The following CUL3 variants were observed in gnomAD, a reference collection of about 807,000 sequenced individuals.
The protein encoded by CUL3 is cullin 3.
CUL3 carries 19 observed loss-of-function variants against 89.1 expected under a neutral mutation model. The observed-to-expected ratio is 0.21, with a 90% CI of 0.15 to 0.31. The LOEUF is 0.31. Ranked by LOEUF, CUL3 falls within the 10% of genes least tolerant of loss-of-function variation. The pLI is 1.00. For synonymous variants in CUL3, 351 were observed against 308.4 expected (o/e 1.14, Z -1.45); for missense variants, 469 against 942.3 (o/e 0.50, Z 6.58).
Position 224,474,188 on chromosome 2 carries a change from C to T in CUL3, c.*57G>A. 4.6e-6 allele frequency: 7 copies of T among 1,535,870 alleles called. No homozygotes were observed. The South Asian group carries it at 8.6e-5, about 19-fold the overall frequency. ...CTTAATATTTAATGATTTAAAAGAA[C>T]TTCCCAGTCCATGCGAAGAGTACAG... On this transcript the variant is annotated 3_prime_UTR_variant, in exon 16 of 16. Transcript: ENST00000264414.
Position 224,546,674 on chromosome 2 carries a change from G to GGGGC in CUL3, c.264+10984_264+10985insGCCC, listed in dbSNP as rs1553533930. Among the ~76,000 whole-genome samples, 7 of 124,244 alleles carry GGGGC rather than the reference G, an allele frequency of 5.6e-5. No individual in the cohort carries two copies. In the Admixed American group the frequency reaches 5.7e-4, roughly 10 times the overall value. The allele number at this position is 124,244 out of a possible 152,430, so 81.5% of individuals were successfully genotyped here. A position where few individuals can be genotyped will look rare whatever the true frequency, so the allele number is the denominator to read the frequency against. The stretch of plus-strand genomic sequence containing the variant: ...AATACAACAGAAATAGGATGGGGGG[G>GGGGC]GGTACTTGCCCTCAAAGTACAGTCT... On this transcript the variant is annotated intron_variant, in intron 2 of 15. Coordinates refer to ENST00000264414, the MANE Select transcript of CUL3 (RefSeq NM_003590.5).
At chr2:224,549,997 T>C (rs1339705266) in intron 2 of CUL3, among the ~76,000 whole-genome samples, 1 of 152,140 alleles carries the variant, frequency 6.6e-6, no homozygotes, top group African/African-American at 2.4e-5. Flanking sequence ...ACTGGCAACT[T>C]TTCAGTCTCC....
chr2:224,548,427 C>T (rs1347665859), intron 2 of CUL3, among the ~76,000 whole-genome samples: 1 of 152,144 alleles, frequency 6.6e-6, no homozygotes, highest in Admixed American at 6.5e-5. Context: ...TTGAAAACCA[C>T]TAGAATAAAT....
intron 2 of CUL3, among the ~76,000 whole-genome samples, chr2:224,542,203 T>C (rs182957187): frequency 9.8e-5 from 15 of 152,344 alleles, no homozygotes; most frequent in African/African-American, 3.6e-4. Flanking sequence ...ATCAACCTTA[T>C]GAACCACTCT....
chr2:224,566,492 T>C (rs1456711136), intron 1 of CUL3, among the ~76,000 whole-genome samples: 1 of 152,216 alleles, frequency 6.6e-6, no homozygotes, highest in African/African-American at 2.4e-5. Flanking sequence ...ATATCCTTTG[T>C]GGCACTTTTT....
At chr2:224,511,876 A>G (rs1156585531) in intron 5 of CUL3, among the ~76,000 whole-genome samples, 1 of 152,198 alleles carries the variant, frequency 6.6e-6, no homozygotes, top group Non-Finnish European at 1.5e-5. Flanking sequence ...GTGAGGGTCA[A>G]AAGCTTAGAA....
chr2:224,513,902 G>A (rs1305493364), intron 4 of CUL3, among the ~76,000 whole-genome samples: 2 of 152,194 alleles, frequency 1.3e-5, no homozygotes, highest in Non-Finnish European at 2.9e-5. Context: ...AACACAGAGA[G>A]GCTGTTTATC....
intron 2 of CUL3, among the ~76,000 whole-genome samples, chr2:224,542,173 T>C (rs891792884): frequency 4.6e-5 from 7 of 152,212 alleles, no homozygotes; most frequent in Non-Finnish European, 1.0e-4. Flanking sequence ...AATGAAAGAA[T>C]TGTTAAACAA....
chr2:224,477,130 T>C (rs1192435877), intron 15 of CUL3, among the ~76,000 whole-genome samples: 1 of 152,226 alleles, frequency 6.6e-6, no homozygotes, highest in Non-Finnish European at 1.5e-5. Context: ...GACACTGTCA[T>C]TTTGTTTTCT....
At chr2:224,534,161 T>C (rs1693794283) in intron 3 of CUL3, among the ~76,000 whole-genome samples, 2 of 152,254 alleles carry the variant, frequency 1.3e-5, no homozygotes, top group Admixed American at 1.3e-4. Flanking sequence ...TTAAACTTAA[T>C]GAATCTAGCG....
At chr2:224,583,059 T>C (rs1030994774) in intron 1 of CUL3, among the ~76,000 whole-genome samples, 1 of 152,170 alleles carries the variant, frequency 6.6e-6, no homozygotes, top group Admixed American at 6.5e-5. Context: ...TTGAGTAGTG[T>C]AAGGCTGCAC....
chr2:224,535,428 C>T (rs774870936), intron 3 of CUL3, 100 bp downstream of exon 3: 89 of 741,610 alleles, frequency 1.2e-4, no homozygotes, highest in Non-Finnish European at 1.8e-4. Context: ...CCTTGGCCTC[C>T]CAAAGTGCTG....
At chr2:224,494,021 A>G (rs762049872) in intron 13 of CUL3, among the ~76,000 whole-genome samples, 116 of 152,340 alleles carry the variant, frequency 7.6e-4, no homozygotes, top group Non-Finnish European at 1.4e-3. Flanking sequence ...ATGGAAATCC[A>G]TAAGAAAAAC....
At chr2:224,496,456 CA>C (rs1381476322) in intron 12 of CUL3, among the ~76,000 whole-genome samples, 9 of 152,182 alleles carry the variant, frequency 5.9e-5, no homozygotes, top group African/African-American at 2.2e-4. Flanking sequence ...CACACACACA[CA>C]AACAGTATTT....
At chr2:224,486,795 C>T (rs1691742057) in intron 13 of CUL3, among the ~76,000 whole-genome samples, 1 of 152,074 alleles carries the variant, frequency 6.6e-6, no homozygotes, top group Non-Finnish European at 1.5e-5. Flanking sequence ...TCCAGAAGAG[C>T]AACCCCAAGA....
In CUL3 at chr2:224,584,930, G is replaced by A. The variant is rs768338599; in HGVS notation, c.66+14C>T. The A allele has an allele frequency of 1.8e-5, 27 of 1,469,368 alleles. No individual in the cohort carries two copies. Among genetic ancestry groups the A allele is most frequent in the South Asian group, 1.3e-4 (11 of 81,736 alleles). 91.0% of individuals were successfully genotyped at this position (1,469,368 alleles called of 1,614,324 possible). A position where few individuals can be genotyped will look rare whatever the true frequency, so the allele number is the denominator to read the frequency against. The stretch of plus-strand genomic sequence containing the variant: ...CCCCGGCCCCGGGGTCCCGGACGCC[G>A]AGGAGAGACTCACCGGAAAGGCCCG... On this transcript the variant is annotated intron_variant, in intron 1 of 15. Coordinates refer to ENST00000264414, the MANE Select transcript of CUL3 (RefSeq NM_003590.5).
chr2:224,519,450 T>C (rs754458459), intron 3 of CUL3, among the ~76,000 whole-genome samples: 23 of 152,142 alleles, frequency 1.5e-4, no homozygotes, highest in Non-Finnish European at 2.8e-4. Context: ...TGGGTTACTG[T>C]GGTGTAAGAG....
chr2:224,511,604 A>T (rs1009814316), intron 5 of CUL3, 22 bp from the exon 6 acceptor site: 52 of 1,345,676 alleles, frequency 3.9e-5, no homozygotes, highest in Admixed American at 6.7e-5. Flanking sequence ...AAATATATAT[A>T]TTTTTTAAAC....
intron 2 of CUL3, among the ~76,000 whole-genome samples, chr2:224,550,046 A>G (rs1412708494): frequency 6.6e-6 from 1 of 152,134 alleles, no homozygotes; most frequent in Non-Finnish European, 1.5e-5. Context: ...AAGTGTTTAA[A>G]TTCCTCAGGG....
Sources: gnomAD v4.1 joint callset for allele counts (sites outside exome capture counted in the v4.1 genomes callset) on GRCh38, gnomAD v4.1.1 for gene constraint, MANE v1.5 for transcripts, NCBI Gene and HGNC (gene_info 2026-07-23, HGNC 2026-07-21) for gene names.